The following WWC2 variants were observed in gnomAD, a reference collection of about 807,000 sequenced individuals.
The protein encoded by WWC2 is protein WWC2.
In WWC2, 101 loss-of-function variants were observed where a neutral mutation model predicts 138.5. The ratio of observed to expected loss-of-function variants is 0.73; its 90% CI spans 0.62 to 0.86. The LOEUF is 0.86. WWC2 is among the 40% of genes least tolerant of loss of function. The probability of loss-of-function intolerance (pLI) is 0.00; values close to 1 mark genes in which losing one functional copy is unlikely to be tolerated. For missense variants in WWC2, 1,420 were observed against 1,419.4 expected (o/e 1.00, Z -0.01); for synonymous variants, 558 against 538.4 (o/e 1.04, Z -0.50).
At chr4:183,260,210 C>T (rs796230162) in intron 10 of WWC2, among the ~76,000 whole-genome samples, 33 of 152,126 alleles carry the variant, frequency 2.2e-4, no homozygotes, top group African/African-American at 7.7e-4. Context: ...ACTACATTAA[C>T]GCTTTTGCCC....
At chr4:183,177,033 C>G (rs1449128156) in intron 1 of WWC2, among the ~76,000 whole-genome samples, 1 of 152,198 alleles carries the variant, frequency 6.6e-6, no homozygotes, top group Non-Finnish European at 1.5e-5. Flanking sequence ...AGTCGCTGTT[C>G]TAGCCACTAA....
At chr4:183,200,429 T>G (rs1735265346) in intron 2 of WWC2, among the ~76,000 whole-genome samples, 1 of 152,220 alleles carries the variant, frequency 6.6e-6, no homozygotes. Flanking sequence ...TATCTCTTTA[T>G]TAGTTTATTA....
In WWC2 at chr4:183,215,997, G is replaced by A. The variant is rs141409446; in HGVS notation, c.522+6972G>A. Among the ~76,000 whole-genome samples the A allele has an allele frequency of 6.4e-3, 973 of 152,254 alleles. 35 individuals are homozygous for A. The highest frequency in any genetic ancestry group is 1.0e-3 in the Non-Finnish European group (68 of 68,018). On this transcript the variant is annotated intron_variant, in intron 4 of 22. Coordinates refer to ENST00000403733, the MANE Select transcript of WWC2 (RefSeq NM_024949.6). Reference sequence around the variant, plus strand: ...TACAAAGCTCATTTGCTCATATTTTGAAGGTCATAGGGTCTAAGCTTTGTG... The same window carrying A: ...TACAAAGCTCATTTGCTCATATTTTAAAGGTCATAGGGTCTAAGCTTTGTG...
chr4:183,263,025 G>A (rs370923414), intron 11 of WWC2, among the ~76,000 whole-genome samples: 9 of 152,226 alleles, frequency 5.9e-5, no homozygotes, highest in South Asian at 2.1e-4. Context: ...ACAGTTCATG[G>A]TAATTATTAG....
At chr4:183,199,325 G>A (rs1009786737) in intron 2 of WWC2, among the ~76,000 whole-genome samples, 3 of 152,118 alleles carry the variant, frequency 2.0e-5, no homozygotes, top group East Asian at 3.9e-4. Context: ...CCTGTTCCAC[G>A]GAACTGTACT....
At chr4:183,131,729 G>A (rs896615694) in intron 1 of WWC2, among the ~76,000 whole-genome samples, 3 of 152,046 alleles carry the variant, frequency 2.0e-5, no homozygotes, top group East Asian at 1.9e-4. Flanking sequence ...TTGTGCTTGC[G>A]CATTTTGTTT....
intron 1 of WWC2, among the ~76,000 whole-genome samples, chr4:183,110,967 C>G (rs1400160060): frequency 6.6e-6 from 1 of 151,962 alleles, no homozygotes; most frequent in Non-Finnish European, 1.5e-5. Flanking sequence ...GGGCTGGGCT[C>G]GGTGGCTCAC....
intron 1 of WWC2, among the ~76,000 whole-genome samples, chr4:183,115,627 GA>G (rs1732385436): frequency 1.3e-5 from 2 of 152,100 alleles, no homozygotes; most frequent in Admixed American, 1.3e-4. Context: ...GTGATGTTGA[GA>G]ATTTTTTCAT....
chr4:183,235,985 T>G (rs1736412086), intron 4 of WWC2, among the ~76,000 whole-genome samples: 1 of 152,246 alleles, frequency 6.6e-6, no homozygotes, highest in African/African-American at 2.4e-5. Flanking sequence ...CTAAATGGGT[T>G]CAATATCATC....
At chr4:183,104,831 A>G (rs1056457281) in intron 1 of WWC2, among the ~76,000 whole-genome samples, 3 of 152,248 alleles carry the variant, frequency 2.0e-5, no homozygotes, top group Admixed American at 6.5e-5. Context: ...CTCCAGTGAC[A>G]TTAATAGTCC....
At chr4:183,177,143 C>A (rs1301563162) in intron 1 of WWC2, among the ~76,000 whole-genome samples, 2 of 152,176 alleles carry the variant, frequency 1.3e-5, no homozygotes, top group Non-Finnish European at 2.9e-5. Context: ...TTAAAGAAAT[C>A]AACTGTATGC....
At chr4:183,296,847 T>C (rs991649126) in intron 21 of WWC2, among the ~76,000 whole-genome samples, 88 of 132,904 alleles carry the variant, frequency 6.6e-4, no homozygotes, top group African/African-American at 2.6e-3. Context: ...GACAGGAGAA[T>C]GGCGTGAACC....
chr4:183,241,060 A>G (rs906796753), intron 5 of WWC2, among the ~76,000 whole-genome samples: 3 of 152,184 alleles, frequency 2.0e-5, no homozygotes, highest in South Asian at 2.1e-4. Context: ...GAAGCAGTCC[A>G]TGGTTTTCAC....
At chr4:183,127,078 G>T (rs1445986428) in intron 1 of WWC2, among the ~76,000 whole-genome samples, 1 of 151,994 alleles carries the variant, frequency 6.6e-6, no homozygotes. Context: ...AAAGTCATGA[G>T]AATTACAAAT....
chr4:183,202,334 A>G (rs1464347490), intron 2 of WWC2, among the ~76,000 whole-genome samples: 2 of 152,300 alleles, frequency 1.3e-5, no homozygotes, highest in Middle Eastern at 3.4e-3. Context: ...TAAGAATTAA[A>G]TTAGCCCTGG....
At chr4:183,148,546 G>A (rs1733539277) in intron 1 of WWC2, among the ~76,000 whole-genome samples, 1 of 152,110 alleles carries the variant, frequency 6.6e-6, no homozygotes, top group African/African-American at 2.4e-5. Flanking sequence ...GCTTAAATCA[G>A]AAATGGCTTT....
chr4:183,318,772 G>A lies in WWC2; in HGVS notation c.*3043G>A, dbSNP rs1727846096. 6.6e-6 allele frequency: 1 copy of A among 152,184 alleles called. No homozygotes were observed. The highest frequency in any genetic ancestry group is 1.5e-5 in the Non-Finnish European group (1 of 68,030). The allele number at this position is 152,184 out of a possible 1,614,324, so 9.4% of individuals were successfully genotyped here. ...AGAATATGTGCTCTGTGGTCGCTGC[G>A]CCTGGGCTGGCAGTGTGCTCCACAG... On this transcript the variant is annotated 3_prime_UTR_variant, in exon 23 of 23. Transcript: ENST00000403733.
chr4:183,175,758 C>T (rs1734450497), intron 1 of WWC2, among the ~76,000 whole-genome samples: 1 of 152,144 alleles, frequency 6.6e-6, no homozygotes, highest in African/African-American at 2.4e-5. Flanking sequence ...AGATGAGGCC[C>T]TGATAAGGAG....
At chr4:183,298,008 A>G (rs1048216950) in intron 21 of WWC2, among the ~76,000 whole-genome samples, 1 of 152,252 alleles carries the variant, frequency 6.6e-6, no homozygotes, top group African/African-American at 2.4e-5. Context: ...TTATACCTTC[A>G]TGAAGTCCAC....
Sources: gnomAD v4.1 joint callset for allele counts (sites outside exome capture counted in the v4.1 genomes callset) on GRCh38, gnomAD v4.1.1 for gene constraint, MANE v1.5 for transcripts, NCBI Gene and HGNC (gene_info 2026-07-23, HGNC 2026-07-21) for gene names.